PDE4D: variants seen among roughly 807,000 people sequenced by gnomAD.
PDE4D encodes phosphodiesterase 4D.
In PDE4D, 24 loss-of-function variants were observed where a neutral mutation model predicts 87.4. The observed-to-expected ratio is 0.27, with a 90% confidence interval of 0.20 to 0.39. PDE4D has a LOEUF of 0.39. Ranked by LOEUF, PDE4D falls within the 10% of genes least tolerant of loss-of-function variation. PDE4D has a pLI of 1.00. For missense variants in PDE4D, 714 were observed against 1,041.0 expected, an observed-to-expected ratio of 0.69 and a Z score of 4.32; for synonymous variants, 384 against 383.2, an observed-to-expected ratio of 1.00 and a Z score of -0.02.
chr5:59,354,697 C>T (rs1467461576), intron 1 of PDE4D, among the ~76,000 whole-genome samples: 2 of 152,192 alleles, frequency 1.3e-5, no homozygotes, highest in African/African-American at 4.8e-5. Context: ...GCCTTCCTAC[C>T]TCCCTAACCC....
intron 1 of PDE4D, among the ~76,000 whole-genome samples, chr5:59,461,712 T>C (rs1019008309): frequency 6.6e-6 from 1 of 152,174 alleles, no homozygotes; most frequent in Non-Finnish European, 1.5e-5. Flanking sequence ...CAACTAATCA[T>C]TGCCTCAAAG....
chr5:60,158,060 T>C (rs1782145402), intron 2 of PDE4D, among the ~76,000 whole-genome samples: 1 of 152,176 alleles, frequency 6.6e-6, no homozygotes, highest in Non-Finnish European at 1.5e-5. Context: ...CATAAGGTTA[T>C]TGTGAGGATT....
At chr5:59,915,515 C>T (rs1350741436) in intron 3 of PDE4D, among the ~76,000 whole-genome samples, 1 of 152,120 alleles carries the variant, frequency 6.6e-6, no homozygotes, top group African/African-American at 2.4e-5. Context: ...CTTCAGCAGA[C>T]CTTGGAAAGG....
Position 60,062,912 on chromosome 5 carries a change from TTGGG to T in PDE4D, c.43-74199_43-74196del, listed in dbSNP as rs775382352. ...GGGGAACAACACACACCAGGGCCTG[TTGGG>T]TCATGGGGGCACGAGGGGAGGGAGA... On this transcript the variant is annotated intron_variant, in intron 2 of 16. Transcript: ENST00000502484. Among the ~76,000 whole-genome samples, 137 of 151,884 alleles carry T rather than the reference TTGGG, an allele frequency of 9.0e-4. 1 individual carries two copies. The highest frequency in any genetic ancestry group is 1.5e-3 in the Non-Finnish European group (105 of 67,948).
intron 2 of PDE4D, among the ~76,000 whole-genome samples, chr5:59,210,453 A>C (rs1867724): frequency 0.24 from 37,068 of 152,036 alleles, 5,107 homozygotes; most frequent in East Asian, 0.52. Context: ...GTGGTGAGGG[A>C]CTTGTTAATT....
intron 1 of PDE4D, among the ~76,000 whole-genome samples, chr5:59,620,272 T>TC (rs1282142050): frequency 6.6e-6 from 1 of 152,174 alleles, no homozygotes; most frequent in Non-Finnish European, 1.5e-5. Flanking sequence ...GTTGTGTTTT[T>TC]CTCTGGAAAC....
At chr5:59,034,777 C>A (rs1016713757) in intron 6 of PDE4D, among the ~76,000 whole-genome samples, 2 of 152,190 alleles carry the variant, frequency 1.3e-5, no homozygotes, top group African/African-American at 4.8e-5. Context: ...AATCTGAAGT[C>A]TCTTAGAAAG....
intron 1 of PDE4D, among the ~76,000 whole-genome samples, chr5:60,333,140 A>G (rs1757452743): frequency 6.6e-6 from 1 of 152,186 alleles, no homozygotes; most frequent in South Asian, 2.1e-4. Context: ...CTCTTCTCCT[A>G]CAAAGATTCA....
chr5:60,198,356 G>A (rs151314702), intron 1 of PDE4D, among the ~76,000 whole-genome samples: 6 of 151,442 alleles, frequency 4.0e-5, no homozygotes, highest in Admixed American at 1.3e-4. Context: ...ATGTTGATTC[G>A]GAGAGATGAA....
At chr5:59,435,959 A>G (rs188658415) in intron 1 of PDE4D, among the ~76,000 whole-genome samples, 1 of 152,260 alleles carries the variant, frequency 6.6e-6, no homozygotes, top group Admixed American at 6.5e-5. Context: ...TTTTAATTAG[A>G]GGTGTTGGAG....
At chr5:59,444,101 C>T (rs1378166244) in intron 1 of PDE4D, among the ~76,000 whole-genome samples, 1 of 152,130 alleles carries the variant, frequency 6.6e-6, no homozygotes, top group Non-Finnish European at 1.5e-5. Flanking sequence ...ATAATTTTAG[C>T]GAGCTCCATG....
At chr5:59,806,044 C>G (rs559092361) in intron 1 of PDE4D, among the ~76,000 whole-genome samples, 191 of 152,320 alleles carry the variant, frequency 1.3e-3, no homozygotes, top group African/African-American at 4.4e-3. Context: ...CCTTCCTTTT[C>G]ATCAAAACCT....
chr5:59,031,468 G>A (rs569808254), intron 6 of PDE4D, among the ~76,000 whole-genome samples: 112 of 143,390 alleles, frequency 7.8e-4, no homozygotes, highest in African/African-American at 2.7e-3. Flanking sequence ...AGCACTTTGG[G>A]AGGCCGAGGC....
intron 1 of PDE4D, among the ~76,000 whole-genome samples, chr5:59,457,138 C>T (rs1800046415): frequency 6.6e-6 from 1 of 152,164 alleles, no homozygotes. Flanking sequence ...TTACATGTTG[C>T]AGAGAAGTCT....
intron 1 of PDE4D, among the ~76,000 whole-genome samples, chr5:60,289,349 T>A (rs970704312): frequency 6.6e-6 from 1 of 152,176 alleles, no homozygotes; most frequent in African/African-American, 2.4e-5. Flanking sequence ...AAAATAAGCA[T>A]GACATTTTGC....
intron 1 of PDE4D, among the ~76,000 whole-genome samples, chr5:59,566,721 T>TG: frequency 6.6e-6 from 1 of 152,164 alleles, no homozygotes; most frequent in South Asian, 2.1e-4. Flanking sequence ...TGTTTGGCTA[T>TG]GGGGGGATGA....
intron 11 of PDE4D, among the ~76,000 whole-genome samples, chr5:58,982,840 C>G (rs770002368): frequency 6.6e-6 from 1 of 152,192 alleles, no homozygotes; most frequent in South Asian, 2.1e-4. Flanking sequence ...TGACTAGTAT[C>G]TACAGAATGG....
intron 1 of PDE4D, among the ~76,000 whole-genome samples, chr5:59,495,731 A>T (rs933475573): frequency 1.3e-5 from 2 of 152,180 alleles, no homozygotes; most frequent in African/African-American, 4.8e-5. Flanking sequence ...TTGCTACGAA[A>T]TGAGAAAGGT....
intron 1 of PDE4D, among the ~76,000 whole-genome samples, chr5:60,340,296 T>C (rs1758196596): frequency 6.6e-6 from 1 of 151,650 alleles, no homozygotes; most frequent in African/African-American, 2.4e-5. Flanking sequence ...TTTTTTTATC[T>C]AGGGAAAAGA....
Sources: allele counts gnomAD v4.1 joint callset (sites outside exome capture counted in the v4.1 genomes callset), GRCh38; gene constraint gnomAD v4.1.1; transcripts MANE v1.5; gene names NCBI Gene and HGNC (gene_info 2026-07-23, HGNC 2026-07-21).